The following SYNJ2 variants were observed in gnomAD, a reference collection of about 807,000 sequenced individuals.
SYNJ2 encodes the protein polyphosphatidylinositol phosphatase SYNJ2.
A neutral mutation model predicts 141.3 loss-of-function variants in SYNJ2; 116 were observed. The observed-to-expected ratio is 0.82, with a 90% CI of 0.71 to 0.96. SYNJ2 has a LOEUF of 0.96. SYNJ2 is among the 40% of genes least tolerant of loss of function. The probability of loss-of-function intolerance (pLI) is 0.00; values close to 1 mark genes in which losing one functional copy is unlikely to be tolerated. For missense variants in SYNJ2, 1,873 were observed against 1,934.8 expected (o/e 0.97, Z 0.60); for synonymous variants, 745 against 777.7 (o/e 0.96, Z 0.70).
At chr6:157,994,549 C>A (rs1481486072) in intron 1 of SYNJ2, among the ~76,000 whole-genome samples, 1 of 152,210 alleles carries the variant, frequency 6.6e-6, no homozygotes, top group Non-Finnish European at 1.5e-5. Context: ...ACCTGGACCA[C>A]CTGGCGGTGG....
rs566760998 is a variant in SYNJ2, at chr6:158,061,841, C to T, written c.955-151C>T. ...TTGTCCTGTGCTTCCCTTTTGGGGT[C>T]AACTGCCTGGTCCACTGTGAGCTTC... On this transcript the variant is annotated intron_variant, in intron 7 of 26. Coordinates refer to ENST00000355585, the MANE Select transcript of SYNJ2 (RefSeq NM_003898.4). 26 of 782,162 alleles carry T rather than the reference C, an allele frequency of 3.3e-5. No homozygotes were observed. In the South Asian group the frequency reaches 4.2e-4, roughly 13 times the overall value. 48.5% of individuals were successfully genotyped at this position (782,162 alleles called of 1,614,324 possible). A position where few individuals can be genotyped will look rare whatever the true frequency, so the allele number is the denominator to read the frequency against.
chr6:158,003,147 G>A (rs1411926665), intron 1 of SYNJ2, among the ~76,000 whole-genome samples: 1 of 152,228 alleles, frequency 6.6e-6, no homozygotes, highest in Non-Finnish European at 1.5e-5. Context: ...CATGGCGTTG[G>A]TGGGAGGTAG....
At chr6:158,090,015 G>C in intron 25 of SYNJ2, 68 bp downstream of exon 25, 2 of 1,127,138 alleles carry the variant, frequency 1.8e-6, no homozygotes, top group Non-Finnish European at 2.6e-6. Flanking sequence ...TGCTAAAAGT[G>C]GTCTAGAAAC....
intron 1 of SYNJ2, among the ~76,000 whole-genome samples, chr6:157,991,776 C>T (rs1184655079): frequency 6.6e-6 from 1 of 152,184 alleles, no homozygotes; most frequent in Non-Finnish European, 1.5e-5. Context: ...AAATCTGATG[C>T]TCTGCATTTT....
intron 1 of SYNJ2, among the ~76,000 whole-genome samples, chr6:158,006,098 A>G (rs1418631970): frequency 6.6e-6 from 1 of 151,984 alleles, no homozygotes; most frequent in Non-Finnish European, 1.5e-5. Flanking sequence ...TGCCAGCACA[A>G]AACTTGGTAT....
rs574754317 is a variant in SYNJ2, at chr6:157,996,984, G to A, written c.127+14896G>A. 5.3e-5 allele frequency among the ~76,000 whole-genome samples: 8 copies of A among 152,182 alleles called. No individual in the cohort carries two copies. The South Asian group carries it at 1.0e-3, about 20-fold the overall frequency. ...GTGCGAGAACAGACTAGTACACCAA[G>A]GGTTGGCCTGGCTGCTGCTGCCTCC... On this transcript the variant is annotated intron_variant, in intron 1 of 26. Transcript: ENST00000355585.
intron 10 of SYNJ2, 26 bp downstream of exon 10, chr6:158,064,776 T>TG: frequency 6.2e-7 from 1 of 1,611,976 alleles, no homozygotes; most frequent in African/African-American, 1.3e-5. Context: ...GGGGGCAGGG[T>TG]GGGGGCCCCA....
chr6:158,078,799 TTTTTTTTTTGA>T (rs1782489010), intron 18 of SYNJ2: 1 of 146,372 alleles, frequency 6.8e-6, no homozygotes, highest in Admixed American at 6.7e-5. Flanking sequence ...TTTTTTTTTT[TTTTTTTTTTGA>T]GAGAGAGTCT....
rs9456988 is a variant in SYNJ2 at position 158,027,527 on chromosome 6, C to G, written c.215-1229C>G. On this transcript the variant is annotated intron_variant, in intron 2 of 26. Transcript: ENST00000355585. The surrounding 1 kb of genome is among the most constrained non-coding windows in gnomAD (Gnocchi z 4.6). ...TGTCAGCGACAGCGAGGTGGTGCCC[C>G]AGAGAGGGCTGCCTCATTCGCCTGG... The G allele has an allele frequency of 0.39, 60,108 of 152,206 alleles. 12,130 individuals carry two copies. The highest frequency in any genetic ancestry group is 0.53 in the Middle Eastern group (157 of 296). 9.4% of individuals were successfully genotyped at this position (152,206 alleles called of 1,614,324 possible). A position where few individuals can be genotyped will look rare whatever the true frequency, so the allele number is the denominator to read the frequency against.
intron 5 of SYNJ2, among the ~76,000 whole-genome samples, chr6:158,044,156 T>C (rs1411776825): frequency 6.6e-6 from 1 of 152,186 alleles, no homozygotes; most frequent in Non-Finnish European, 1.5e-5. Flanking sequence ...GCCTCTCGGC[T>C]CTTCTTACCG....
In SYNJ2 at chr6:158,068,797, T is replaced by C. The variant is rs866148418; in HGVS notation, c.1799+69T>C. 8 of 1,557,534 alleles carry C rather than the reference T, an allele frequency of 5.1e-6. 1 individual carries two copies. The South Asian group carries it at 9.0e-5, about 17-fold the overall frequency. ...CAGGTGCCTGGCTGGGAGCAGAGCC[T>C]CTGAGGCTCTCCGGGAGCCAGCCTG... On this transcript the variant is annotated intron_variant, in intron 13 of 26. Transcript: ENST00000355585.
intron 2 of SYNJ2, among the ~76,000 whole-genome samples, chr6:158,018,513 G>A (rs570580680): frequency 2.6e-4 from 40 of 152,318 alleles, no homozygotes; most frequent in Non-Finnish European, 4.9e-4. Flanking sequence ...GATGTTTAAA[G>A]CTGCCAGAAA....
intron 3 of SYNJ2, among the ~76,000 whole-genome samples, chr6:158,032,015 G>A (rs1779391473): frequency 6.6e-6 from 1 of 152,190 alleles, no homozygotes; most frequent in Non-Finnish European, 1.5e-5. Context: ...CTGAATTTGA[G>A]AGAGTGATTT....
Position 158,064,995 on chromosome 6 carries a change from G to A in SYNJ2, c.1525+4G>A, listed in dbSNP as rs1213769806. ...CTGGACAGCACGGCGCTCCTGGGTAGGGCCTGCCGCAGACAGGGCGAGGCA... is the reference window on the plus strand; with the variant it reads ...CTGGACAGCACGGCGCTCCTGGGTAAGGCCTGCCGCAGACAGGGCGAGGCA... On this transcript the variant is annotated splice_donor_region_variant and intron_variant, in intron 11 of 26. Coordinates refer to ENST00000355585, the MANE Select transcript of SYNJ2 (RefSeq NM_003898.4). 6.4e-7 allele frequency: 1 copy of A among 1,554,264 alleles called. No homozygotes were observed. Among genetic ancestry groups the A allele is most frequent in the East Asian group, 2.4e-5 (1 of 42,440 alleles).
At chr6:158,051,625 G>A (rs977363814) in intron 5 of SYNJ2, among the ~76,000 whole-genome samples, 2 of 151,970 alleles carry the variant, frequency 1.3e-5, no homozygotes, top group African/African-American at 4.8e-5. Flanking sequence ...GACCAAAAGG[G>A]ATTTGGGACT....
rs779269820 is a variant in SYNJ2 at position 158,081,073 on chromosome 6, A to G, written c.2568-36A>G. 280 of 1,599,716 alleles carry G rather than the reference A, an allele frequency of 1.8e-4. 1 individual carries two copies. Among genetic ancestry groups the G allele is most frequent in the South Asian group, 6.0e-4 (54 of 90,698 alleles). On this transcript the variant is annotated intron_variant, in intron 18 of 26. Transcript: ENST00000355585. ...GGCCGGGGGTGTGGACATCTGTCCC[A>G]GGCTAACTGTCATCCCTCTTTTGTT... is the stretch of plus-strand genomic sequence containing the variant.
intron 4 of SYNJ2, among the ~76,000 whole-genome samples, chr6:158,039,237 A>G (rs977844746): frequency 1.1e-4 from 16 of 152,252 alleles, no homozygotes; most frequent in African/African-American, 3.9e-4. Context: ...TTAAAACACA[A>G]AACACGTCTT....
chr6:158,094,926 T>C (rs941960411), intron 26 of SYNJ2, among the ~76,000 whole-genome samples: 1 of 152,128 alleles, frequency 6.6e-6, no homozygotes, highest in Non-Finnish European at 1.5e-5. Context: ...GGCGGGTGGA[T>C]CACCTGAGGT....
At chr6:158,064,558 C>T (rs1781439686) in intron 9 of SYNJ2, 43 bp from the exon 10 acceptor site, 1 of 1,606,478 alleles carries the variant, frequency 6.2e-7, no homozygotes. Flanking sequence ...TGCAGGGCCT[C>T]TGTGGGAGAA....
Sources: allele counts gnomAD v4.1 joint callset (sites outside exome capture counted in the v4.1 genomes callset), GRCh38; gene constraint gnomAD v4.1.1; non-coding constraint Gnocchi (gnomAD v3.1); transcripts MANE v1.5; gene names NCBI Gene and HGNC (gene_info 2026-07-23, HGNC 2026-07-21).